TRPC6: variants seen among roughly 807,000 people sequenced by gnomAD.
TRPC6 encodes short transient receptor potential channel 6.
In TRPC6, 55 loss-of-function variants were observed where a neutral mutation model predicts 90.7. The observed-to-expected ratio is 0.61, with a 90% CI of 0.49 to 0.76. The LOEUF (loss-of-function observed/expected upper bound fraction) is 0.76. Among genes scored for constraint, TRPC6 ranks in the 30% least tolerant of loss-of-function variants. The probability of loss-of-function intolerance (pLI) is 0.00; values close to 1 mark genes in which losing one functional copy is unlikely to be tolerated. For synonymous variants in TRPC6, 393 were observed against 393.0 expected, an observed-to-expected ratio of 1.00 and a Z score of 0.00; for missense variants, 989 against 1,122.7, an observed-to-expected ratio of 0.88 and a Z score of 1.70.
intron 1 of TRPC6, among the ~76,000 whole-genome samples, chr11:101,581,889 G>C (rs1862204868): frequency 6.6e-6 from 1 of 152,100 alleles, no homozygotes; most frequent in Non-Finnish European, 1.5e-5. Flanking sequence ...CACATGATTT[G>C]CATGCTAGCC....
intron 10 of TRPC6, among the ~76,000 whole-genome samples, chr11:101,461,875 A>G (rs57484369): frequency 0.018 from 2,685 of 152,284 alleles, 83 homozygotes; most frequent in African/African-American, 0.059. Flanking sequence ...TTCACCAAGG[A>G]AGAGGAATGG....
intron 2 of TRPC6, among the ~76,000 whole-genome samples, chr11:101,497,395 C>T (rs780794255): frequency 4.7e-4 from 72 of 152,188 alleles, no homozygotes; most frequent in African/African-American, 1.3e-3. Flanking sequence ...TTTGTCCCAA[C>T]GAAAAGTACT....
rs1355905158 is a variant in TRPC6, at chr11:101,452,447, T to G, written c.*508A>C. ...TCAATCATGTGCATTGAGGGATAAGTAGGGTAAATGGTGTTTAAACAGCAT... is the reference window on the plus strand; with the variant it reads ...TCAATCATGTGCATTGAGGGATAAGGAGGGTAAATGGTGTTTAAACAGCAT... On this transcript the variant is annotated 3_prime_UTR_variant, in exon 13 of 13. Coordinates refer to ENST00000344327, the MANE Select transcript of TRPC6 (RefSeq NM_004621.6). 1 of 158,848 alleles carries G rather than the reference T, an allele frequency of 6.3e-6. No individual in the cohort carries two copies. The highest frequency in any genetic ancestry group is 2.4e-5 in the African/African-American group (1 of 41,466). The allele number at this position is 158,848 out of a possible 1,614,324, so 9.8% of individuals were successfully genotyped here. A position where few individuals can be genotyped will look rare whatever the true frequency, so the allele number is the denominator to read the frequency against.
At chr11:101,556,860 T>C (rs961073054) in intron 1 of TRPC6, among the ~76,000 whole-genome samples, 2 of 152,172 alleles carry the variant, frequency 1.3e-5, no homozygotes, top group African/African-American at 2.4e-5. Flanking sequence ...TCATCCTCCA[T>C]GATCAGGTGG....
chr11:101,543,223 G>A lies in TRPC6; in HGVS notation c.171-38425C>T, dbSNP rs375166861. Reference sequence around the variant, plus strand: ...TGACCACATCTAGTTTGGCAAGCATGTGGAACACCTAGAATTCATGCATTG... The same window carrying A: ...TGACCACATCTAGTTTGGCAAGCATATGGAACACCTAGAATTCATGCATTG... On this transcript the variant is annotated intron_variant, in intron 1 of 12. Transcript: ENST00000344327. Among the ~76,000 whole-genome samples, 24 of 152,192 alleles carry A rather than the reference G, an allele frequency of 1.6e-4. No homozygotes were observed. In the East Asian group the frequency reaches 2.7e-3, roughly 17 times the overall value.
At chr11:101,526,045 G>A (rs942283836) in intron 1 of TRPC6, among the ~76,000 whole-genome samples, 11 of 152,160 alleles carry the variant, frequency 7.2e-5, no homozygotes, top group East Asian at 1.9e-4. Context: ...TTAATTACAC[G>A]GTAAAACAGA....
rs1229759969 is a variant in TRPC6, at chr11:101,558,260, TGTATATGG to T, written c.170+25066_170+25073del. Among the ~76,000 whole-genome samples the T allele has an allele frequency of 1.1e-3, 160 of 141,692 alleles. 2 individuals are homozygous for T. Among genetic ancestry groups the T allele is most frequent in the Non-Finnish European group, 1.8e-3 (115 of 64,654 alleles). The allele number at this position is 141,692 out of a possible 152,430, so 93.0% of individuals were successfully genotyped here. On this transcript the variant is annotated intron_variant, in intron 1 of 12. Transcript: ENST00000344327. ...GGGTATACATGTATATATGTATACA[TGTATATGG>T]GTATACATGTATATATGTATACATG...
intron 1 of TRPC6, among the ~76,000 whole-genome samples, chr11:101,510,327 TTGTAGAATTTTAC>T (rs1860368414): frequency 6.6e-6 from 1 of 152,074 alleles, no homozygotes; most frequent in South Asian, 2.1e-4. Context: ...TAAAACTATG[TTGTAGAATTTTAC>T]ATTAATAGCA....
chr11:101,476,322 T>G lies in TRPC6; in HGVS notation c.1723A>C (p.Asn575His). ...KDLTKVTLGDNVKYYNLARIK... is the reference protein window; with the variant it reads ...KDLTKVTLGDHVKYYNLARIK... ...TCACCCAAATTGTAGTATTTCACAT[T>G]GTCTCCCAATGTTACTTTCGTCAAG... The change falls in exon 6 of 13, where the codon AAT becomes CAT. Residue 575 changes from asparagine (N) to histidine (H), a missense_variant. Coordinates refer to ENST00000344327, the MANE Select transcript of TRPC6 (RefSeq NM_004621.6). 6.2e-7 allele frequency: 1 copy of G among 1,614,134 alleles called. No individual in the cohort carries two copies. Among genetic ancestry groups the G allele is most frequent in the Middle Eastern group, 1.7e-4 (1 of 6,060 alleles).
chr11:101,497,741 G>A (rs903051045), intron 2 of TRPC6, among the ~76,000 whole-genome samples: 4 of 152,084 alleles, frequency 2.6e-5, no homozygotes, highest in African/African-American at 9.7e-5. Flanking sequence ...TGCAGAACAT[G>A]TTGGTTTATT....
At chr11:101,513,810 G>A (rs1860452576) in intron 1 of TRPC6, among the ~76,000 whole-genome samples, 1 of 152,144 alleles carries the variant, frequency 6.6e-6, no homozygotes, top group African/African-American at 2.4e-5. Flanking sequence ...TGGAGGGGGA[G>A]AACAAGGATA....
intron 1 of TRPC6, among the ~76,000 whole-genome samples, chr11:101,570,073 T>C (rs1052214420): frequency 6.6e-6 from 1 of 151,994 alleles, no homozygotes; most frequent in African/African-American, 2.4e-5. Context: ...AAAAATTCAA[T>C]GAATCCAGGA....
intron 1 of TRPC6, among the ~76,000 whole-genome samples, chr11:101,521,552 G>A (rs1165146549): frequency 1.3e-5 from 2 of 152,228 alleles, no homozygotes; most frequent in Non-Finnish European, 1.5e-5. Context: ...CCCACACTGA[G>A]TCCCTACTGC....
chr11:101,528,663 G>A (rs1860840664), intron 1 of TRPC6, among the ~76,000 whole-genome samples: 1 of 151,984 alleles, frequency 6.6e-6, no homozygotes. Context: ...GCAGATGCAG[G>A]ACCATCACCT....
chr11:101,554,253 TC>T (rs2136848303), intron 1 of TRPC6, among the ~76,000 whole-genome samples: 1 of 152,288 alleles, frequency 6.6e-6, no homozygotes, highest in South Asian at 2.1e-4. Context: ...TGAAAATTGT[TC>T]CTTTTCACTT....
At chr11:101,472,026 G>T in intron 8 of TRPC6, 111 bp downstream of exon 8, 1 of 1,124,866 alleles carries the variant, frequency 8.9e-7, no homozygotes, top group Non-Finnish European at 1.3e-6. Context: ...ATAAAACAGG[G>T]AATGAACAAA....
At chr11:101,565,677 G>A (rs1861812141) in intron 1 of TRPC6, among the ~76,000 whole-genome samples, 2 of 151,902 alleles carry the variant, frequency 1.3e-5, no homozygotes, top group Non-Finnish European at 2.9e-5. Flanking sequence ...AATATATTAA[G>A]AATAGCACCT....
intron 10 of TRPC6, among the ~76,000 whole-genome samples, chr11:101,459,092 A>C (rs1177939340): frequency 6.6e-6 from 1 of 152,222 alleles, no homozygotes; most frequent in Non-Finnish European, 1.5e-5. Context: ...AAACCAAGCC[A>C]TGTGAAATGT....
In TRPC6 at chr11:101,480,364, G is replaced by A. The variant is rs571896404; in HGVS notation, c.1510+2585C>T. On this transcript the variant is annotated intron_variant, in intron 5 of 12. Coordinates refer to ENST00000344327, the MANE Select transcript of TRPC6 (RefSeq NM_004621.6). ...TTCCTTCTATATTCTCCCTCTTAGAGACTGCAGTCACTACCTACCGGTCCA... is the reference window on the plus strand; with the variant it reads ...TTCCTTCTATATTCTCCCTCTTAGAAACTGCAGTCACTACCTACCGGTCCA... 1.6e-3 allele frequency among the ~76,000 whole-genome samples: 244 copies of A among 152,034 alleles called. 1 individual carries two copies. Among genetic ancestry groups the A allele is most frequent in the South Asian group, 0.015 (70 of 4,806 alleles).
Sources: allele counts gnomAD v4.1 joint callset (sites outside exome capture counted in the v4.1 genomes callset), GRCh38; gene constraint gnomAD v4.1.1; transcripts MANE v1.5; gene names NCBI Gene and HGNC (gene_info 2026-07-23, HGNC 2026-07-21).